Variants in PUS1 observed in about 807,000 individuals in gnomAD.
PUS1 encodes pseudouridine synthase 1.
A neutral mutation model predicts 38.5 loss-of-function variants in PUS1; 25 were observed. That is an observed-to-expected ratio of 0.65 (90% CI 0.47 to 0.91). The LOEUF is 0.91. Ranked by LOEUF, PUS1 falls within the 40% of genes least tolerant of loss-of-function variation. The probability of loss-of-function intolerance (pLI) is 0.00; values close to 1 mark genes in which losing one functional copy is unlikely to be tolerated. For synonymous variants in PUS1, 282 were observed against 260.4 expected (o/e 1.08, Z -0.80); for missense variants, 597 against 612.3 (o/e 0.97, Z 0.26).
Position 131,941,660 on chromosome 12 carries a change from G to A in PUS1, c.913G>A (p.Val305Met). 1.2e-6 allele frequency: 2 copies of A among 1,614,218 alleles called. No homozygotes were observed. Among genetic ancestry groups the A allele is most frequent in the Non-Finnish European group, 1.7e-6 (2 of 1,180,042 alleles). Reference sequence around the variant, plus strand: ...GATGGTCGGCCTGGTGGTGGCCATTGTGAAGGGTTATGCCCCTGAGAGCGT... The same window carrying A: ...GATGGTCGGCCTGGTGGTGGCCATTATGAAGGGTTATGCCCCTGAGAGCGT... ...RKMVGLVVAI[V>M]KGYAPESVLE... Residue 305 changes from valine (V) to methionine (M), a missense_variant, in exon 5 of 6, where the codon GTG becomes ATG. By Grantham distance (21) the Val-to-Met change is conservative. Coordinates refer to ENST00000376649, the MANE Select transcript of PUS1 (RefSeq NM_025215.6). This position sits in a 1 kb window ranked among gnomAD's most constrained non-coding sequence, Gnocchi z 4.4.
In PUS1 at chr12:131,944,138, G is replaced by A. The variant is rs1010326681; in HGVS notation, c.*552G>A. 1.2e-5 allele frequency: 2 copies of A among 160,832 alleles called. No homozygotes were observed. Among genetic ancestry groups the A allele is most frequent in the African/African-American group, 4.8e-5 (2 of 41,478 alleles). 10.0% of individuals were successfully genotyped at this position (160,832 alleles called of 1,614,324 possible). A position where few individuals can be genotyped will look rare whatever the true frequency, so the allele number is the denominator to read the frequency against. On this transcript the variant is annotated 3_prime_UTR_variant, in exon 6 of 6. Coordinates refer to ENST00000376649, the MANE Select transcript of PUS1 (RefSeq NM_025215.6). ...CTGTAGTTCAGCTGCTCAGGAGGCT[G>A]AGGTGGGAGGATTGCCTGAGTCTGG... is the stretch of plus-strand genomic sequence containing the variant.
chr12:131,941,724 C>G lies in PUS1; in HGVS notation c.977C>G (p.Pro326Arg). ...RSWGTEKVDV[P>R]KAPGLGLVLE... is the part of the protein sequence containing the mutation. ...TGGGGCACAGAGAAGGTGGACGTGCCCAAGGCGCCCGGACTCGGCCTGGTC... is the reference window on the plus strand; with the variant it reads ...TGGGGCACAGAGAAGGTGGACGTGCGCAAGGCGCCCGGACTCGGCCTGGTC... Residue 326 changes from proline to arginine, a missense_variant, in exon 5 of 6, where the codon CCC becomes CGC. Transcript: ENST00000376649. The surrounding 1 kb of genome is among the most constrained non-coding windows in gnomAD (Gnocchi z 4.4). 1 of 1,614,166 alleles carries G rather than the reference C, an allele frequency of 6.2e-7. No homozygotes were observed. Among genetic ancestry groups the G allele is most frequent in the Non-Finnish European group, 8.5e-7 (1 of 1,180,042 alleles).
Position 131,929,510 on chromosome 12 carries a change from T to G in PUS1, c.-213T>G. ...GGCGCGGGGCCTGAGAGGTCAGGGG[T>G]CAGCAGGAGTGAGGCTGGGGCGTCC... is the stretch of plus-strand genomic sequence containing the variant. On this transcript the variant is annotated 5_prime_UTR_variant, in exon 1 of 6. Coordinates refer to ENST00000376649, the MANE Select transcript of PUS1 (RefSeq NM_025215.6). The G allele has an allele frequency of 4.2e-6, 2 of 474,346 alleles. No homozygotes were observed. The highest frequency in any genetic ancestry group is 7.4e-6 in the Non-Finnish European group (2 of 269,970). 29.4% of individuals were successfully genotyped at this position (474,346 alleles called of 1,614,324 possible). A position where few individuals can be genotyped will look rare whatever the true frequency, so the allele number is the denominator to read the frequency against.
Position 131,941,497 on chromosome 12 carries a change from G to A in PUS1, c.750G>A (p.Ser250=), listed in dbSNP as rs201884452. The stretch of plus-strand genomic sequence containing the variant: ...CGCACAACTTCCACAATTTCACCTC[G>A]CAGAAGGGGCCGCAGGATCCCAGTG... ...KGTHNFHNFT[S]QKGPQDPSAC... is the part of the protein sequence containing the mutation. The change falls in exon 5 of 6, where the codon TCG becomes TCA. Residue 250 remains serine, a synonymous_variant. Coordinates refer to ENST00000376649, the MANE Select transcript of PUS1 (RefSeq NM_025215.6). The surrounding 1 kb of genome is among the most constrained non-coding windows in gnomAD (Gnocchi z 4.4). 2.1e-5 allele frequency: 34 copies of A among 1,613,774 alleles called. No individual in the cohort carries two copies. Among genetic ancestry groups the A allele is most frequent in the African/African-American group, 1.7e-4 (13 of 75,048 alleles).
Position 131,944,768 on chromosome 12 carries a change from C to T in PUS1, c.*1182C>T, listed in dbSNP as rs770269156. ...GAGGGCAGAAGGAAAGGGTGCATCG[C>T]GGAACAGGCCCTTAGTGGAGCTTAC... is the stretch of plus-strand genomic sequence containing the variant. On this transcript the variant is annotated 3_prime_UTR_variant, in exon 6 of 6. Coordinates refer to ENST00000376649, the MANE Select transcript of PUS1 (RefSeq NM_025215.6). 7 of 152,808 alleles carry T rather than the reference C, an allele frequency of 4.6e-5. No individual in the cohort carries two copies. The highest frequency in any genetic ancestry group is 2.1e-4 in the South Asian group (1 of 4,844). The allele number at this position is 152,808 out of a possible 1,614,324, so 9.5% of individuals were successfully genotyped here. A position where few individuals can be genotyped will look rare whatever the true frequency, so the allele number is the denominator to read the frequency against.
Position 131,929,526 on chromosome 12 carries a change from T to TG in PUS1, c.-193dup. On this transcript the variant is annotated 5_prime_UTR_variant, in exon 1 of 6. Coordinates refer to ENST00000376649, the MANE Select transcript of PUS1 (RefSeq NM_025215.6). Reference sequence around the variant, plus strand: ...GGTCAGGGGTCAGCAGGAGTGAGGCTGGGGCGTCCAGGTCCGAGAGGTCAG... The same window carrying TG: ...GGTCAGGGGTCAGCAGGAGTGAGGCTGGGGGCGTCCAGGTCCGAGAGGTCAG... The TG allele has an allele frequency of 2.0e-6, 1 of 510,364 alleles. No homozygotes were observed. The highest frequency in any genetic ancestry group is 3.4e-6 in the Non-Finnish European group (1 of 292,002). The allele number at this position is 510,364 out of a possible 1,614,324, so 31.6% of individuals were successfully genotyped here.
chr12:131,930,974 C>G (rs1259109717), intron 2 of PUS1, among the ~76,000 whole-genome samples: 3 of 152,130 alleles, frequency 2.0e-5, no homozygotes, highest in Non-Finnish European at 4.4e-5. Flanking sequence ...GGTAGACATT[C>G]CTTTTGTTCC....
chr12:131,943,099 G>A (rs987995417), intron 5 of PUS1, among the ~76,000 whole-genome samples: 1 of 152,246 alleles, frequency 6.6e-6, no homozygotes, highest in African/African-American at 2.4e-5. Context: ...TACTGGTATG[G>A]GAAATCTCTT....
At chr12:131,937,753 C>T (rs1344545553) in intron 3 of PUS1, among the ~76,000 whole-genome samples, 1 of 151,972 alleles carries the variant, frequency 6.6e-6, no homozygotes, top group Non-Finnish European at 1.5e-5. Context: ...GCTCTGTTGC[C>T]CAGGCTGGTC....
chr12:131,934,366 G>T (rs900416205), intron 3 of PUS1, among the ~76,000 whole-genome samples: 2 of 152,156 alleles, frequency 1.3e-5, no homozygotes, highest in Non-Finnish European at 2.9e-5. Context: ...CCAGGCACTG[G>T]CGCTACCAGT....
Position 131,943,982 on chromosome 12 carries a change from C to T in PUS1, c.*396C>T, listed in dbSNP as rs561994861. The T allele has an allele frequency of 4.1e-5, 11 of 271,072 alleles. No individual in the cohort carries two copies. The East Asian group carries it at 8.2e-4, about 20-fold the overall frequency. 16.8% of individuals were successfully genotyped at this position (271,072 alleles called of 1,614,324 possible). On this transcript the variant is annotated 3_prime_UTR_variant, in exon 6 of 6. Coordinates refer to ENST00000376649, the MANE Select transcript of PUS1 (RefSeq NM_025215.6). ...AAAAGAGAAAGGCCCAGGAGGTTGG[C>T]TCAGCCTGTAATCCCAGCACTTGGG...
At chr12:131,940,502 C>G (rs946483928) in intron 4 of PUS1, among the ~76,000 whole-genome samples, 41 of 152,328 alleles carry the variant, frequency 2.7e-4, no homozygotes, top group African/African-American at 9.9e-4. Flanking sequence ...AGTAAAGCCA[C>G]TAAGAACATT....
chr12:131,932,956 A>T (rs1346319752), intron 3 of PUS1: 11 of 350,010 alleles, frequency 3.1e-5, no homozygotes, highest in South Asian at 2.1e-5. Context: ...GAAACAGATC[A>T]TGGCGGCAGG....
In PUS1 at chr12:131,943,707, G is replaced by GC. The variant is rs1225677240; in HGVS notation, c.*122dup. On this transcript the variant is annotated 3_prime_UTR_variant, in exon 6 of 6. Transcript: ENST00000376649. The stretch of plus-strand genomic sequence containing the variant: ...CAGCCATGTTTTCCCGGCCATGCCG[G>GC]CGTTGTAACCTCAGGACCTTCCCTT... 1.2e-6 allele frequency: 1 copy of GC among 847,324 alleles called. No homozygotes were observed. The highest frequency in any genetic ancestry group is 1.7e-5 in the African/African-American group (1 of 60,440). 52.5% of individuals were successfully genotyped at this position (847,324 alleles called of 1,614,324 possible). A position where few individuals can be genotyped will look rare whatever the true frequency, so the allele number is the denominator to read the frequency against.
Position 131,929,687 on chromosome 12 carries a change from G to C in PUS1, c.-36G>C. The C allele has an allele frequency of 6.7e-7, 1 of 1,503,710 alleles. No individual in the cohort carries two copies. The highest frequency in any genetic ancestry group is 8.9e-7 in the Non-Finnish European group (1 of 1,124,104). 93.1% of individuals were successfully genotyped at this position (1,503,710 alleles called of 1,614,324 possible). On this transcript the variant is annotated 5_prime_UTR_variant, in exon 1 of 6. Transcript: ENST00000376649. ...GGGGCACTGGGGGTCAGGGGTCGGG[G>C]ATCAGGGCGGGGTCGGGTGCACTGG...
Position 131,943,525 on chromosome 12 carries a change from G to GTC in PUS1, c.1237-12_1237-11dup. On this transcript the variant is annotated splice_polypyrimidine_tract_variant and intron_variant, in intron 5 of 5. Transcript: ENST00000376649. ...GTGCTTGCCTCTTATTCTCCATGTG[G>GTC]TCTTCTTCTGCAGGTGCCCAGTCCC... The GTC allele has an allele frequency of 6.2e-7, 1 of 1,611,744 alleles. No homozygotes were observed. Among genetic ancestry groups the GTC allele is most frequent in the Non-Finnish European group, 8.5e-7 (1 of 1,177,964 alleles).
Position 131,939,194 on chromosome 12 carries a change from G to A in PUS1, c.463G>A (p.Val155Met), listed in dbSNP as rs994512006. The A allele has an allele frequency of 2.6e-5, 40 of 1,560,376 alleles. 1 individual carries two copies. The highest frequency in any genetic ancestry group is 1.7e-6 in the Non-Finnish European group (2 of 1,151,004). ...TDKGVSAAGQVVSLKVWLIDD... is the reference protein window; with the variant it reads ...TDKGVSAAGQMVSLKVWLIDD... Reference sequence around the variant, plus strand: ...ACAGGGTGTGTCCGCAGCCGGCCAGGTGGTATCCCTGAAGGTGTGGCTGAT... The same window carrying A: ...ACAGGGTGTGTCCGCAGCCGGCCAGATGGTATCCCTGAAGGTGTGGCTGAT... Residue 155 changes from valine (V) to methionine (M), a missense_variant, in exon 4 of 6, where the codon GTG (valine) becomes ATG (methionine). Transcript: ENST00000376649.
intron 2 of PUS1, among the ~76,000 whole-genome samples, chr12:131,930,595 A>G (rs1290276403): frequency 6.6e-6 from 1 of 152,148 alleles, no homozygotes; most frequent in African/African-American, 2.4e-5. Context: ...TCTGGAAGGT[A>G]GAGGGTCTGG....
At position 131,944,209 on chromosome 12, in the gene PUS1, A is replaced by C. The variant is rs368018809; in HGVS notation, c.*623A>C. ...TTGCCACTGCACTCAAAAAAAAAAA[A>C]AACAACAACAACCAAAAAAACTGGC... On this transcript the variant is annotated 3_prime_UTR_variant, in exon 6 of 6. Transcript: ENST00000376649. 284 of 153,562 alleles carry C rather than the reference A, an allele frequency of 1.8e-3. 1 individual carries two copies. The highest frequency in any genetic ancestry group is 3.1e-3 in the Non-Finnish European group (211 of 69,164). The allele number at this position is 153,562 out of a possible 1,614,324, so 9.5% of individuals were successfully genotyped here. A position where few individuals can be genotyped will look rare whatever the true frequency, so the allele number is the denominator to read the frequency against.
Sources: gnomAD v4.1 joint callset for allele counts (sites outside exome capture counted in the v4.1 genomes callset) on GRCh38, gnomAD v4.1.1 for gene constraint, Gnocchi (gnomAD v3.1) non-coding constraint, MANE v1.5 for transcripts, NCBI Gene and HGNC (gene_info 2026-07-23, HGNC 2026-07-21) for gene names.